ATP8B1: variants seen among roughly 807,000 people sequenced by gnomAD.
The protein encoded by ATP8B1 is ATPase phospholipid transporting 8B1.
In ATP8B1, 80 loss-of-function variants were observed where a neutral mutation model predicts 149.9. That is an observed-to-expected ratio of 0.53 (90% confidence interval 0.45 to 0.64). The LOEUF (loss-of-function observed/expected upper bound fraction) is 0.64. Among genes scored for constraint, ATP8B1 ranks in the 30% least tolerant of loss-of-function variants. ATP8B1 has a pLI of 0.00. For synonymous variants in ATP8B1, 536 were observed against 562.8 expected, an observed-to-expected ratio of 0.95 and a Z score of 0.67; for missense variants, 1,247 against 1,552.6, an observed-to-expected ratio of 0.80 and a Z score of 3.31.
At chr18:57,747,174 C>A (rs115737602) in intron 1 of ATP8B1, among the ~76,000 whole-genome samples, 1 of 152,116 alleles carries the variant, frequency 6.6e-6, no homozygotes, top group African/African-American at 2.4e-5. Context: ...TGGCCCAGGC[C>A]GGGCGTGGTG....
At chr18:57,654,304 GC>G (rs1244440633) in intron 23 of ATP8B1, among the ~76,000 whole-genome samples, 1 of 151,778 alleles carries the variant, frequency 6.6e-6, no homozygotes, top group Non-Finnish European at 1.5e-5. Context: ...TATGCACCTG[GC>G]CTGTTATCAA....
chr18:57,756,301 GTA>G (rs1384350680), intron 1 of ATP8B1, among the ~76,000 whole-genome samples: 7 of 107,782 alleles, frequency 6.5e-5, no homozygotes, highest in East Asian at 2.3e-4. Flanking sequence ...GTGTGTGTAT[GTA>G]TATATATATA....
At chr18:57,686,667 C>G (rs552620495) in intron 13 of ATP8B1, among the ~76,000 whole-genome samples, 1 of 152,156 alleles carries the variant, frequency 6.6e-6, no homozygotes, top group Non-Finnish European at 1.5e-5. Context: ...GATCCACCCA[C>G]GTAGGCCTCC....
chr18:57,656,522 A>T (rs1476127760), intron 22 of ATP8B1, among the ~76,000 whole-genome samples: 3 of 151,132 alleles, frequency 2.0e-5, no homozygotes, highest in Non-Finnish European at 4.4e-5. Context: ...AGTAGCTGGG[A>T]TTACAGATGT....
chr18:57,694,150 C>A (rs765572700), intron 11 of ATP8B1, among the ~76,000 whole-genome samples: 20 of 152,094 alleles, frequency 1.3e-4, no homozygotes, highest in Non-Finnish European at 2.6e-4. Flanking sequence ...TTATTTTTAG[C>A]CTTGCCTTGT....
rs750087035 is a variant in ATP8B1, at chr18:57,655,269, T to C, written c.2856A>G (p.Arg952=). ...AGGCAAAGTTTTTGTAAAAGAAGTATCGTAGGAACTTGCACATCCTTATGT... is the reference window on the plus strand; with the variant it reads ...AGGCAAAGTTTTTGTAAAAGAAGTACCGTAGGAACTTGCACATCCTTATGT... The part of the protein sequence containing the change: ...WSYIRMCKFL[R]YFFYKNFAFT... Residue 952 remains arginine, a synonymous_variant, in exon 23 of 28, where the codon CGA becomes CGG. Coordinates refer to ENST00000648908, the MANE Select transcript of ATP8B1 (RefSeq NM_001374385.1). 2 of 1,614,158 alleles carry C rather than the reference T, an allele frequency of 1.2e-6. No homozygotes were observed. Among genetic ancestry groups the C allele is most frequent in the South Asian group, 1.1e-5 (1 of 91,086 alleles).
intron 16 of ATP8B1, among the ~76,000 whole-genome samples, chr18:57,672,992 C>T (rs9954794): frequency 0.81 from 88,120 of 108,888 alleles, 35,872 homozygotes; most frequent in East Asian, 0.93. Flanking sequence ...TATATAAATA[C>T]ATGTATATAT....
intron 26 of ATP8B1, among the ~76,000 whole-genome samples, chr18:57,650,903 A>G (rs1909571408): frequency 6.6e-6 from 1 of 152,240 alleles, no homozygotes. Context: ...TAGATCATTT[A>G]TGGTAAAGTT....
intron 8 of ATP8B1, 132 bp from the exon 9 acceptor site, chr18:57,695,664 C>T: frequency 2.6e-6 from 2 of 766,008 alleles, no homozygotes; most frequent in Non-Finnish European, 4.5e-6. Context: ...TTTTCAAACT[C>T]TGTTCACCTT....
chr18:57,661,715 T>TA (rs1568183578), intron 21 of ATP8B1, among the ~76,000 whole-genome samples: 5,514 of 34,964 alleles, frequency 0.16, 157 homozygotes, highest in East Asian at 0.32. Flanking sequence ...ATATATATAT[T>TA]TTTTTTTTTT....
intron 1 of ATP8B1, among the ~76,000 whole-genome samples, chr18:57,761,095 TAAAAAATAAAATAAAATATAAA>T (rs2080150508): frequency 1.0e-5 from 1 of 96,272 alleles, no homozygotes; most frequent in Non-Finnish European, 2.1e-5. Flanking sequence ...TAAAATAAAA[TAAAAAATAAAATAAAATATAAA>T]ATAAAATAAA....
At chr18:57,667,995 TC>T (rs1408881829) in intron 19 of ATP8B1, 1 of 1,138,938 alleles carries the variant, frequency 8.8e-7, no homozygotes, top group Admixed American at 3.1e-5. Flanking sequence ...TTAAAATCGT[TC>T]TTTCCTTAGG....
Position 57,731,655 on chromosome 18 carries a change from T to C in ATP8B1, c.153A>G (p.Ala51=). The C allele has an allele frequency of 6.2e-7, 1 of 1,614,146 alleles. No homozygotes were observed. Among genetic ancestry groups the C allele is most frequent in the Non-Finnish European group, 8.5e-7 (1 of 1,180,016 alleles). The change falls in exon 2 of 28, where the codon GCA becomes GCG. Residue 51 remains alanine, a synonymous_variant. Transcript: ENST00000648908. ...EPEQNRVNRE[A]EENREPFRKE... ...TTCTGAATGGCTCCCGGTTCTCCTC[T>C]GCTTCCCTGTTGACTCGGTTTTGTT...
intron 22 of ATP8B1, among the ~76,000 whole-genome samples, chr18:57,656,835 G>C (rs962813455): frequency 8.0e-5 from 12 of 149,858 alleles, no homozygotes; most frequent in Non-Finnish European, 1.8e-4. Context: ...GGGAGAGAGA[G>C]AAGGAGGGGA....
At chr18:57,724,576 G>A (rs1448976263) in intron 2 of ATP8B1, among the ~76,000 whole-genome samples, 1 of 151,838 alleles carries the variant, frequency 6.6e-6, no homozygotes, top group Admixed American at 6.6e-5. Flanking sequence ...AGTTAGAATG[G>A]CAATCATTAA....
intron 1 of ATP8B1, among the ~76,000 whole-genome samples, chr18:57,801,480 A>C (rs2080573913): frequency 6.6e-6 from 1 of 152,214 alleles, no homozygotes; most frequent in Non-Finnish European, 1.5e-5. Context: ...TAAAGCCTTC[A>C]ACAACAGGCC....
At chr18:57,791,619 C>T (rs957170049) in intron 1 of ATP8B1, among the ~76,000 whole-genome samples, 4 of 152,088 alleles carry the variant, frequency 2.6e-5, no homozygotes, top group Non-Finnish European at 4.4e-5. Context: ...GCTGGGATTA[C>T]AGGCATAAGC....
At chr18:57,713,236 CTT>C (rs1913809044) in intron 2 of ATP8B1, among the ~76,000 whole-genome samples, 1 of 100,176 alleles carries the variant, frequency 1.0e-5, no homozygotes. Context: ...TCCTTCCTTC[CTT>C]CCTTCTTTCT....
intron 1 of ATP8B1, chr18:57,736,917 T>C (rs2079862570): frequency 6.6e-6 from 1 of 152,162 alleles, no homozygotes; most frequent in African/African-American, 2.4e-5. Flanking sequence ...AGCCTTGTTA[T>C]ATATATATGT....
Sources: gnomAD v4.1 joint callset for allele counts (sites outside exome capture counted in the v4.1 genomes callset) on GRCh38, gnomAD v4.1.1 for gene constraint, MANE v1.5 for transcripts, NCBI Gene and HGNC (gene_info 2026-07-23, HGNC 2026-07-21) for gene names.